The following TAFA1 variants were observed in gnomAD, a reference collection of about 807,000 sequenced individuals.
TAFA1 encodes the protein TAFA chemokine like family member 1.
TAFA1 carries 4 observed loss-of-function variants against 18.5 expected under a neutral mutation model. That is an observed-to-expected ratio of 0.22 (90% CI 0.11 to 0.49). The LOEUF (loss-of-function observed/expected upper bound fraction) is 0.49. Ranked by LOEUF, TAFA1 falls within the 20% of genes least tolerant of loss-of-function variation. TAFA1 has a pLI of 0.98. For synonymous variants in TAFA1, 56 were observed against 55.2 expected, an observed-to-expected ratio of 1.01 and a Z score of -0.06; for missense variants, 147 against 169.0, an observed-to-expected ratio of 0.87 and a Z score of 0.72.
At chr3:68,325,397 A>G (rs1169082984) in intron 2 of TAFA1, among the ~76,000 whole-genome samples, 4 of 152,290 alleles carry the variant, frequency 2.6e-5, no homozygotes, top group African/African-American at 4.8e-5. Context: ...TCTGTAAACT[A>G]AGGGTGAATA....
chr3:68,442,349 C>T (rs754503143), intron 3 of TAFA1, among the ~76,000 whole-genome samples: 1 of 152,082 alleles, frequency 6.6e-6, no homozygotes, highest in Non-Finnish European at 1.5e-5. Context: ...TGTGCTTGCT[C>T]AGGTCTCTCT....
chr3:68,132,913 C>T (rs1401736731), intron 2 of TAFA1, among the ~76,000 whole-genome samples: 2 of 152,080 alleles, frequency 1.3e-5, no homozygotes, highest in Non-Finnish European at 2.9e-5. Flanking sequence ...GCTTTTGTTG[C>T]CATTGCTTTT....
chr3:68,053,265 G>A (rs536700404), intron 2 of TAFA1, among the ~76,000 whole-genome samples: 16 of 151,994 alleles, frequency 1.1e-4, no homozygotes, highest in African/African-American at 3.9e-4. Flanking sequence ...GTGGGGGTGG[G>A]GACTTCTTTA....
chr3:68,002,767 C>G (rs1178026183), upstream of TAFA1, among the ~76,000 whole-genome samples: 2 of 152,172 alleles, frequency 1.3e-5, no homozygotes, highest in African/African-American at 4.8e-5. Flanking sequence ...CTGTCTTTTA[C>G]TACCACACAA....
intron 2 of TAFA1, among the ~76,000 whole-genome samples, chr3:68,107,086 C>T (rs571418106): frequency 6.6e-6 from 1 of 152,216 alleles, no homozygotes; most frequent in East Asian, 1.9e-4. Context: ...CCAAACATTA[C>T]CAGTTCATAG....
chr3:68,084,458 C>T (rs1312970285), intron 2 of TAFA1, among the ~76,000 whole-genome samples: 1 of 152,096 alleles, frequency 6.6e-6, no homozygotes, highest in Non-Finnish European at 1.5e-5. Context: ...AGGATGCTTC[C>T]AAAATTCGGG....
chr3:68,444,796 ATATATATATATATAT>A (rs1489525238), intron 3 of TAFA1, among the ~76,000 whole-genome samples: 15 of 142,492 alleles, frequency 1.1e-4, no homozygotes, highest in African/African-American at 3.6e-4. Context: ...ATATATATAT[ATATATATATATATAT>A]AAAATAAATT....
chr3:68,022,966 G>GC (rs1440310367), intron 2 of TAFA1, among the ~76,000 whole-genome samples: 5 of 122,084 alleles, frequency 4.1e-5, no homozygotes, highest in Non-Finnish European at 8.7e-5. Flanking sequence ...AGTTACTCTT[G>GC]TTTTTTTTTT....
intron 2 of TAFA1, among the ~76,000 whole-genome samples, chr3:68,289,065 A>G (rs2068066553): frequency 6.6e-6 from 1 of 152,204 alleles, no homozygotes; most frequent in African/African-American, 2.4e-5. Flanking sequence ...CAGCTCAATG[A>G]ATTTTCACAA....
intron 2 of TAFA1, among the ~76,000 whole-genome samples, chr3:68,391,387 G>C (rs564473033): frequency 4.5e-4 from 69 of 152,198 alleles, no homozygotes; most frequent in African/African-American, 1.7e-3. Context: ...CCTATGTTTG[G>C]TGTACCTGAA....
intron 2 of TAFA1, among the ~76,000 whole-genome samples, chr3:68,147,015 A>ATGTG (rs1418683101): frequency 7.0e-6 from 1 of 142,804 alleles, no homozygotes; most frequent in Non-Finnish European, 1.5e-5. Flanking sequence ...GTGTGTATAT[A>ATGTG]TATATGTGTG....
chr3:68,371,410 T>C (rs2069704543), intron 2 of TAFA1, among the ~76,000 whole-genome samples: 2 of 152,092 alleles, frequency 1.3e-5, no homozygotes, highest in Non-Finnish European at 2.9e-5. Flanking sequence ...CAGTGTGTGA[T>C]GTTCCCCTCC....
intron 3 of TAFA1, among the ~76,000 whole-genome samples, chr3:68,471,975 C>T (rs2106949702): frequency 6.6e-6 from 1 of 152,246 alleles, no homozygotes; most frequent in Admixed American, 6.5e-5. Flanking sequence ...TCAGATGAGA[C>T]TTTGCACTGT....
At chr3:68,068,292 T>G (rs575863733) in intron 2 of TAFA1, among the ~76,000 whole-genome samples, 2 of 152,352 alleles carry the variant, frequency 1.3e-5, no homozygotes, top group East Asian at 3.9e-4. Context: ...ATATTCAAGT[T>G]GTCATTTTGT....
intron 2 of TAFA1, among the ~76,000 whole-genome samples, chr3:68,373,783 T>C (rs1048984863): frequency 1.3e-5 from 2 of 152,166 alleles, no homozygotes; most frequent in Non-Finnish European, 2.9e-5. Context: ...GATTTTCAAA[T>C]CTAACTCCAA....
intron 3 of TAFA1, among the ~76,000 whole-genome samples, chr3:68,488,921 C>T (rs939017915): frequency 2.6e-5 from 4 of 152,188 alleles, no homozygotes; most frequent in African/African-American, 7.2e-5. Context: ...TCTGTTATAA[C>T]TGGCACCACC....
intron 2 of TAFA1, among the ~76,000 whole-genome samples, chr3:68,128,135 TA>T (rs1227611840): frequency 2.0e-5 from 3 of 152,144 alleles, no homozygotes; most frequent in African/African-American, 4.8e-5. Context: ...AACAAGCTTA[TA>T]GGGGTCACAC....
At chr3:68,134,095 A>AT (rs1018203796) in intron 2 of TAFA1, among the ~76,000 whole-genome samples, 1 of 150,802 alleles carries the variant, frequency 6.6e-6, no homozygotes, top group African/African-American at 2.4e-5. Context: ...AATGAGAAAA[A>AT]AAAAACAATG....
intron 2 of TAFA1, among the ~76,000 whole-genome samples, chr3:68,124,101 A>C (rs1279599209): frequency 6.6e-6 from 1 of 152,124 alleles, no homozygotes; most frequent in East Asian, 1.9e-4. Flanking sequence ...CTTCATGTAT[A>C]GAGAGTTTGA....
Sources: allele counts gnomAD v4.1 joint callset (sites outside exome capture counted in the v4.1 genomes callset), GRCh38; gene constraint gnomAD v4.1.1; transcripts MANE v1.5; gene names NCBI Gene and HGNC (gene_info 2026-07-23, HGNC 2026-07-21).